The following HDAC9 variants were observed in gnomAD, a reference collection of about 807,000 sequenced individuals.
HDAC9 encodes MEF-2 interacting transcription repressor (MITR) protein.
In HDAC9, 41 loss-of-function variants were observed where a neutral mutation model predicts 139.4. The observed-to-expected ratio is 0.29, with a 90% CI of 0.23 to 0.38. The LOEUF is 0.38. Among genes scored for constraint, HDAC9 ranks in the 10% least tolerant of loss-of-function variants. The pLI is 1.00. For missense variants in HDAC9, 1,147 were observed against 1,297.0 expected, an observed-to-expected ratio of 0.88 and a Z score of 1.78; for synonymous variants, 517 against 476.2, an observed-to-expected ratio of 1.09 and a Z score of -1.12.
intron 11 of HDAC9, 146 bp downstream of exon 11, chr7:18,648,829 G>T (rs930853419): frequency 4.4e-6 from 3 of 684,146 alleles, no homozygotes; most frequent in Non-Finnish European, 7.5e-6. Flanking sequence ...CTTGGCTCAA[G>T]GACACCATCA....
upstream of HDAC9, among the ~76,000 whole-genome samples, chr7:18,287,232 T>C (rs1355456042): frequency 6.6e-6 from 1 of 152,128 alleles, no homozygotes; most frequent in Admixed American, 6.6e-5. Flanking sequence ...AAGCCTTATT[T>C]GTTTATTTTA....
chr7:18,418,770 G>GT (rs1013946649), intron 1 of HDAC9, among the ~76,000 whole-genome samples: 5 of 151,450 alleles, frequency 3.3e-5, no homozygotes, highest in South Asian at 4.2e-4. Flanking sequence ...TAAGAGTTTT[G>GT]TTTTTTTTCT....
chr7:18,380,947 T>C (rs545432949), intron 1 of HDAC9, among the ~76,000 whole-genome samples: 1 of 152,074 alleles, frequency 6.6e-6, no homozygotes, highest in South Asian at 2.1e-4. Flanking sequence ...CCCAGCACTT[T>C]GGCACTTTGG....
intron 1 of HDAC9, among the ~76,000 whole-genome samples, chr7:18,145,009 C>G (rs1385992733): frequency 6.6e-6 from 1 of 152,186 alleles, no homozygotes; most frequent in Non-Finnish European, 1.5e-5. Flanking sequence ...GGAACACTCC[C>G]TAGCCACAAA....
intron 1 of HDAC9, among the ~76,000 whole-genome samples, chr7:18,320,638 T>C (rs2128634910): frequency 6.6e-6 from 1 of 152,334 alleles, no homozygotes; most frequent in East Asian, 1.9e-4. Context: ...TCCTTCATTG[T>C]GCTCTGGTAT....
chr7:18,666,828 A>C (rs1258977006), intron 12 of HDAC9: 5 of 1,073,922 alleles, frequency 4.7e-6, no homozygotes, highest in Non-Finnish European at 5.6e-6. Context: ...ATTCACTGTT[A>C]TTTTGAGTTT....
At chr7:18,429,147 A>G (rs992683883) in intron 1 of HDAC9, 4 of 152,188 alleles carry the variant, frequency 2.6e-5, no homozygotes, top group Admixed American at 6.5e-5. Context: ...GATCTCCCCC[A>G]TTAGAACATA....
intron 2 of HDAC9, among the ~76,000 whole-genome samples, chr7:18,507,437 C>T (rs1800149034): frequency 6.6e-6 from 1 of 151,902 alleles, no homozygotes; most frequent in African/African-American, 2.4e-5. Context: ...TCGTGATCCG[C>T]CCGCCTCGGC....
chr7:18,912,100 AT>A (rs983989528), intron 22 of HDAC9, among the ~76,000 whole-genome samples: 13 of 152,028 alleles, frequency 8.6e-5, no homozygotes, highest in African/African-American at 2.4e-4. Context: ...GTCCCTAACT[AT>A]TTTCATATTG....
intron 1 of HDAC9, among the ~76,000 whole-genome samples, chr7:18,448,754 G>A (rs1436573399): frequency 6.6e-6 from 1 of 151,876 alleles, no homozygotes; most frequent in African/African-American, 2.4e-5. Flanking sequence ...GTGTTTTTTT[G>A]GAAAGGATTC....
chr7:18,404,169 C>A (rs1055102660), intron 1 of HDAC9, among the ~76,000 whole-genome samples: 4 of 152,032 alleles, frequency 2.6e-5, no homozygotes, highest in African/African-American at 4.8e-5. Context: ...TATAAAAATA[C>A]AAATATAATG....
chr7:18,234,765 C>T (rs192147851), intron 2 of HDAC9, among the ~76,000 whole-genome samples: 6 of 152,244 alleles, frequency 3.9e-5, no homozygotes, highest in African/African-American at 1.4e-4. Context: ...GAACAAAATC[C>T]CTCCATTTGA....
At chr7:18,767,870 CA>C (rs1288783480) in intron 16 of HDAC9, among the ~76,000 whole-genome samples, 1 of 152,116 alleles carries the variant, frequency 6.6e-6, no homozygotes, top group Non-Finnish European at 1.5e-5. Flanking sequence ...GTGAAGTTTT[CA>C]AAGACTAAGG....
intron 22 of HDAC9, among the ~76,000 whole-genome samples, chr7:18,875,122 T>G (rs1799222882): frequency 6.6e-6 from 1 of 152,302 alleles, no homozygotes; most frequent in East Asian, 1.9e-4. Context: ...AGTTGGACTT[T>G]TTGGCTGTGT....
intron 1 of HDAC9, among the ~76,000 whole-genome samples, chr7:18,453,736 T>G (rs1239770497): frequency 1.3e-5 from 2 of 152,224 alleles, no homozygotes; most frequent in Non-Finnish European, 2.9e-5. Context: ...AATTTTTGTA[T>G]AGATTATTAC....
rs186710551 is a variant in HDAC9 at position 18,313,727 on chromosome 7, C to G, written c.-42+23212C>G. On this transcript the variant is annotated intron_variant, in intron 1 of 3. Transcript: ENST00000413509. Reference sequence around the variant, plus strand: ...ATTTTATAAACCACTGGAATAATAACATAGCCTTAATGAATATAAAACTGT... The same window carrying G: ...ATTTTATAAACCACTGGAATAATAAGATAGCCTTAATGAATATAAAACTGT... Among the ~76,000 whole-genome samples the G allele has an allele frequency of 5.1e-3, 773 of 152,250 alleles. 1 individual carries two copies. Among genetic ancestry groups the G allele is most frequent in the South Asian group, 0.01 (50 of 4,828 alleles).
At chr7:18,734,501 T>C (rs890168676) in intron 13 of HDAC9, among the ~76,000 whole-genome samples, 4 of 152,198 alleles carry the variant, frequency 2.6e-5, no homozygotes, top group South Asian at 2.1e-4. Flanking sequence ...GTCCTTGTGA[T>C]AGTTTGCTGA....
chr7:18,357,757 G>C (rs542044194), intron 1 of HDAC9, among the ~76,000 whole-genome samples: 1 of 152,234 alleles, frequency 6.6e-6, no homozygotes, highest in South Asian at 2.1e-4. Flanking sequence ...AGAAGGCCCT[G>C]AGTCAGGAAG....
chr7:18,759,682 G>T (rs2129154761), intron 14 of HDAC9, among the ~76,000 whole-genome samples: 1 of 152,212 alleles, frequency 6.6e-6, no homozygotes, highest in South Asian at 2.1e-4. Context: ...CACGAAACTG[G>T]TCTCTGGTGC....
Sources: gnomAD v4.1 joint callset for allele counts (sites outside exome capture counted in the v4.1 genomes callset) on GRCh38, gnomAD v4.1.1 for gene constraint, MANE v1.5 for transcripts, NCBI Gene and HGNC (gene_info 2026-07-23, HGNC 2026-07-21) for gene names.